Variants in WWOX observed in about 807,000 individuals in gnomAD.
WWOX encodes WW domain-containing oxidoreductase.
Under a neutral mutation model 46.2 loss-of-function variants are expected in WWOX, and 69 were observed. The observed-to-expected ratio is 1.49, with a 90% CI of 1.23 to 1.82. The LOEUF (loss-of-function observed/expected upper bound fraction) is 1.82. WWOX is among the 40% of genes most tolerant of loss of function. The pLI is 0.00. For synonymous variants in WWOX, 359 were observed against 202.6 expected (o/e 1.77, Z -6.56); for missense variants, 919 against 542.6 (o/e 1.69, Z -6.89).
At chr16:79,176,260 A>G (rs1216894499) in intron 8 of WWOX, among the ~76,000 whole-genome samples, 1 of 152,216 alleles carries the variant, frequency 6.6e-6, no homozygotes, top group East Asian at 1.9e-4. Flanking sequence ...CGTTCCACAA[A>G]GTGACTCAGG....
chr16:78,358,908 T>G (rs1206304504), intron 5 of WWOX, among the ~76,000 whole-genome samples: 1 of 141,892 alleles, frequency 7.0e-6, no homozygotes, highest in African/African-American at 2.6e-5. Context: ...GTGGCCATGT[T>G]TCTATGTCAA....
intron 8 of WWOX, among the ~76,000 whole-genome samples, chr16:78,491,292 G>A (rs1288724941): frequency 6.6e-6 from 1 of 151,962 alleles, no homozygotes; most frequent in Non-Finnish European, 1.5e-5. Context: ...TGGTTACAAG[G>A]TCATCTTTTC....
In WWOX at chr16:79,041,918, C is replaced by G. The variant is rs182425259; in HGVS notation, c.1057-169690C>G. ...ACTGGAGGAGCCCGGGAACTGCTTT[C>G]TCCTCTCTAAGAGTCTTGGTGGTTT... On this transcript the variant is annotated intron_variant, in intron 8 of 8. Coordinates refer to ENST00000566780, the MANE Select transcript of WWOX (RefSeq NM_016373.4). Among the ~76,000 whole-genome samples the G allele has an allele frequency of 1.7e-3, 264 of 152,200 alleles. 1 individual carries two copies. The highest frequency in any genetic ancestry group is 5.7e-3 in the African/African-American group (237 of 41,534).
At chr16:79,185,463 G>C (rs956391958) in intron 8 of WWOX, among the ~76,000 whole-genome samples, 5 of 150,830 alleles carry the variant, frequency 3.3e-5, no homozygotes, top group Non-Finnish European at 7.4e-5. Context: ...AATTACTTTT[G>C]GACATATTAC....
At chr16:78,947,875 C>T in intron 8 of WWOX, among the ~76,000 whole-genome samples, 1 of 152,140 alleles carries the variant, frequency 6.6e-6, no homozygotes, top group East Asian at 1.9e-4. Flanking sequence ...AAGCATCCTT[C>T]CAACAGGTTC....
chr16:78,946,314 C>G (rs1320239574), intron 8 of WWOX, among the ~76,000 whole-genome samples: 2 of 152,038 alleles, frequency 1.3e-5, no homozygotes, highest in Admixed American at 6.5e-5. Flanking sequence ...CTCAGTCTCC[C>G]AAGTAGCTGG....
intron 8 of WWOX, among the ~76,000 whole-genome samples, chr16:79,063,987 C>G (rs531523157): frequency 2.8e-4 from 43 of 152,304 alleles, no homozygotes; most frequent in African/African-American, 1.0e-3. Flanking sequence ...GGAGATGACT[C>G]TAGCCAGGCC....
chr16:78,645,987 C>T (rs898822273), intron 8 of WWOX, among the ~76,000 whole-genome samples: 10 of 152,126 alleles, frequency 6.6e-5, no homozygotes, highest in African/African-American at 2.4e-4. Flanking sequence ...CTCCTTCTCT[C>T]CCCCTCCTCT....
chr16:78,303,200 C>T (rs1405475570), intron 5 of WWOX, among the ~76,000 whole-genome samples: 1 of 152,164 alleles, frequency 6.6e-6, no homozygotes, highest in Admixed American at 6.5e-5. Flanking sequence ...TAAATAAAAT[C>T]TATCTCTAAT....
intron 8 of WWOX, among the ~76,000 whole-genome samples, chr16:79,024,671 G>T (rs916243019): frequency 6.6e-6 from 1 of 151,934 alleles, no homozygotes. Flanking sequence ...TCCTGACCTC[G>T]TGATCTGCCC....
At chr16:79,102,375 C>T (rs2049218813) in intron 8 of WWOX, among the ~76,000 whole-genome samples, 1 of 152,108 alleles carries the variant, frequency 6.6e-6, no homozygotes. Flanking sequence ...GCAACATCTC[C>T]TTCCATTTGA....
intron 5 of WWOX, among the ~76,000 whole-genome samples, chr16:78,310,459 G>A (rs1890800301): frequency 6.6e-6 from 1 of 152,198 alleles, no homozygotes; most frequent in Admixed American, 6.5e-5. Context: ...AGCTCTGAGA[G>A]CAAGGCCAAA....
intron 5 of WWOX, among the ~76,000 whole-genome samples, chr16:78,253,201 G>C (rs1284783962): frequency 2.0e-5 from 3 of 152,138 alleles, no homozygotes; most frequent in African/African-American, 7.2e-5. Context: ...GATGGATTAA[G>C]TAATTTACTT....
chr16:78,423,294 A>C (rs1167139506), intron 6 of WWOX, among the ~76,000 whole-genome samples: 6 of 152,168 alleles, frequency 3.9e-5, no homozygotes, highest in Admixed American at 3.9e-4. Context: ...TTTATAACAT[A>C]AATGTTTTAT....
chr16:78,755,050 G>C (rs555790273), intron 8 of WWOX, among the ~76,000 whole-genome samples: 1 of 151,468 alleles, frequency 6.6e-6, no homozygotes, highest in East Asian at 1.9e-4. Flanking sequence ...GCCTGTCTGG[G>C]GGTAGGGGGA....
intron 5 of WWOX, among the ~76,000 whole-genome samples, chr16:78,352,322 C>T (rs908006722): frequency 1.3e-5 from 2 of 152,164 alleles, no homozygotes; most frequent in African/African-American, 4.8e-5. Flanking sequence ...AAAAGTTACA[C>T]TTTACAGTTT....
chr16:78,176,706 A>T (rs2035358197), intron 5 of WWOX, among the ~76,000 whole-genome samples: 1 of 152,230 alleles, frequency 6.6e-6, no homozygotes, highest in African/African-American at 2.4e-5. Flanking sequence ...AGAATAAGTT[A>T]TTACTGAACT....
At chr16:78,446,145 T>G (rs2083555879) in intron 8 of WWOX, among the ~76,000 whole-genome samples, 1 of 152,226 alleles carries the variant, frequency 6.6e-6, no homozygotes, top group Non-Finnish European at 1.5e-5. Context: ...GTAGGGATCA[T>G]TCATAAAACT....
At chr16:79,056,696 G>C (rs1314649884) in intron 8 of WWOX, among the ~76,000 whole-genome samples, 1 of 152,082 alleles carries the variant, frequency 6.6e-6, no homozygotes, top group African/African-American at 2.4e-5. Context: ...CTCCATTAAG[G>C]GTCATGTCTC....
Sources: allele counts gnomAD v4.1 joint callset (sites outside exome capture counted in the v4.1 genomes callset), GRCh38; gene constraint gnomAD v4.1.1; transcripts MANE v1.5; gene names NCBI Gene and HGNC (gene_info 2026-07-23, HGNC 2026-07-21).